Variants in COL5A2 observed in about 807,000 individuals in gnomAD.
COL5A2 encodes collagen type V alpha 2 chain.
A neutral mutation model predicts 208.2 loss-of-function variants in COL5A2; 23 were observed. The ratio of observed to expected loss-of-function variants is 0.11; its 90% CI spans 0.08 to 0.16. The LOEUF is 0.16. COL5A2 is among the 10% of genes least tolerant of loss of function. The probability of loss-of-function intolerance (pLI) is 1.00; values close to 1 mark genes in which losing one functional copy is unlikely to be tolerated. For synonymous variants in COL5A2, 625 were observed against 628.5 expected (o/e 0.99, Z 0.08); for missense variants, 1,590 against 1,956.4 (o/e 0.81, Z 3.53).
At chr2:189,183,932 C>A (rs559820830), upstream of COL5A2, among the ~76,000 whole-genome samples, 40 of 152,206 alleles carry the variant, frequency 2.6e-4, no homozygotes, top group African/African-American at 9.4e-4. Flanking sequence ...CCTGAAATAA[C>A]CACTTCCCTG....
chr2:189,170,569 C>T, intron 1 of COL5A2, among the ~76,000 whole-genome samples: 1 of 152,072 alleles, frequency 6.6e-6, no homozygotes, highest in Non-Finnish European at 1.5e-5. Context: ...ACCTAAATCG[C>T]AAAAGTTAGA....
chr2:189,333,780 T>C, the COL5A2 span, among the ~76,000 whole-genome samples: 1 of 151,978 alleles, frequency 6.6e-6, no homozygotes, highest in South Asian at 2.1e-4. Flanking sequence ...CAAAAGAAAC[T>C]AATCATGCTG....
intron 1 of COL5A2, among the ~76,000 whole-genome samples, chr2:189,196,935 T>A (rs2105852052): frequency 6.6e-6 from 1 of 152,150 alleles, no homozygotes; most frequent in South Asian, 2.1e-4. Context: ...GACCCAGCAA[T>A]CCCGTTACTG....
intron 1 of COL5A2, among the ~76,000 whole-genome samples, chr2:189,138,548 CA>C (rs1453566141): frequency 6.6e-6 from 1 of 152,084 alleles, no homozygotes; most frequent in Non-Finnish European, 1.5e-5. Flanking sequence ...ACAGAAGCAA[CA>C]ACTCCCAAGT....
upstream of COL5A2, among the ~76,000 whole-genome samples, chr2:189,228,734 T>G (rs1006068102): frequency 6.6e-6 from 1 of 151,796 alleles, no homozygotes; most frequent in Non-Finnish European, 1.5e-5. Context: ...CTACCAAACA[T>G]TTAAATAATT....
rs750224423 is a variant in COL5A2 at position 189,048,194 on chromosome 2, T to G, written c.3201+15A>C. On this transcript the variant is annotated intron_variant, in intron 45 of 53. Coordinates refer to ENST00000374866, the MANE Select transcript of COL5A2 (RefSeq NM_000393.5). ...GCATGACTTTAGATTTTATAATAAG[T>G]GAAATGGCTCTTACACGTTCTCCAA... The G allele has an allele frequency of 5.6e-6, 9 of 1,611,630 alleles. No homozygotes were observed. The African/African-American group carries it at 1.2e-4, about 22-fold the overall frequency.
the COL5A2 span, among the ~76,000 whole-genome samples, chr2:189,260,296 C>A: frequency 6.6e-6 from 1 of 152,148 alleles, no homozygotes; most frequent in East Asian, 1.9e-4. Flanking sequence ...GAGATAATGT[C>A]TTTTTAAGAT....
In COL5A2 at chr2:189,121,938, T is replaced by C. The variant is rs868834155; in HGVS notation, c.98-11489A>G. 2.0e-5 allele frequency among the ~76,000 whole-genome samples: 3 copies of C among 152,100 alleles called. No homozygotes were observed. The South Asian group carries it at 6.2e-4, about 32-fold the overall frequency. ...AGATATTAAATACCCATACTAAAAG[T>C]TTATTTTACTTATACTTAGCACATC... is the stretch of plus-strand genomic sequence containing the variant. On this transcript the variant is annotated intron_variant, in intron 1 of 53. Transcript: ENST00000374866.
intron 1 of COL5A2, among the ~76,000 whole-genome samples, chr2:189,207,284 C>CT (rs1028669328): frequency 4.0e-5 from 6 of 151,734 alleles, no homozygotes; most frequent in African/African-American, 9.7e-5. Context: ...TCCTCTAATC[C>CT]TTTTTTTTAA....
the COL5A2 span, among the ~76,000 whole-genome samples, chr2:189,343,425 T>C: frequency 2.7e-3 from 418 of 152,194 alleles, no homozygotes; most frequent in Non-Finnish European, 4.2e-3. Flanking sequence ...TTTGAGAACA[T>C]TCTACAGTTT....
intron 13 of COL5A2, 36 bp from the exon 14 acceptor site, chr2:189,080,067 GT>G: frequency 2.6e-6 from 4 of 1,559,022 alleles, no homozygotes; most frequent in South Asian, 1.1e-5. Flanking sequence ...TTTGTATCCT[GT>G]TTTTTTCAAT....
chr2:189,124,197 A>G (rs1184396782), intron 1 of COL5A2, among the ~76,000 whole-genome samples: 1 of 152,148 alleles, frequency 6.6e-6, no homozygotes, highest in African/African-American at 2.4e-5. Flanking sequence ...TGCGAACCCC[A>G]TTCTTTCTAT....
the COL5A2 span, among the ~76,000 whole-genome samples, chr2:189,400,498 A>T: frequency 1.3e-5 from 2 of 152,062 alleles, no homozygotes; most frequent in Non-Finnish European, 2.9e-5. Context: ...TTTACAGGAT[A>T]TTTTTTTGCA....
At chr2:189,365,324 G>A in the COL5A2 span, among the ~76,000 whole-genome samples, 1 of 152,134 alleles carries the variant, frequency 6.6e-6, no homozygotes, top group Non-Finnish European at 1.5e-5. Flanking sequence ...TTTGCATGTT[G>A]AAATTTTCTC....
intron 1 of COL5A2, among the ~76,000 whole-genome samples, chr2:189,156,533 C>T (rs1391694581): frequency 6.6e-6 from 1 of 152,094 alleles, no homozygotes; most frequent in Non-Finnish European, 1.5e-5. Flanking sequence ...TGTTGATAGT[C>T]TTGTCCTCAT....
In COL5A2 at chr2:189,053,885, T is replaced by C. The variant is rs886055356; in HGVS notation, c.2499+10A>G. The C allele has an allele frequency of 6.2e-7, 1 of 1,611,738 alleles. No homozygotes were observed. On this transcript the variant is annotated intron_variant, in intron 37 of 53. Transcript: ENST00000374866. ...CTCACACTAAAGAACACCAAAATAC[T>C]GTCACTTACAGGATTGCCCCGGGAG...
chr2:189,096,716 T>C (rs920176065), intron 6 of COL5A2, among the ~76,000 whole-genome samples: 3 of 152,090 alleles, frequency 2.0e-5, no homozygotes, highest in African/African-American at 7.2e-5. Context: ...AAACCTTTGG[T>C]ATATATTATA....
At chr2:189,399,529 C>T in the COL5A2 span, among the ~76,000 whole-genome samples, 2 of 152,060 alleles carry the variant, frequency 1.3e-5, no homozygotes, top group Non-Finnish European at 2.9e-5. Context: ...GAATTACAGG[C>T]GTGAGCCACT....
chr2:189,393,935 A>G, the COL5A2 span, among the ~76,000 whole-genome samples: 1 of 152,172 alleles, frequency 6.6e-6, no homozygotes, highest in Non-Finnish European at 1.5e-5. Flanking sequence ...CGTTCTGTCC[A>G]CTTAACTTTC....
Sources: gnomAD v4.1 joint callset for allele counts (sites outside exome capture counted in the v4.1 genomes callset) on GRCh38, gnomAD v4.1.1 for gene constraint, MANE v1.5 for transcripts, NCBI Gene and HGNC (gene_info 2026-07-23, HGNC 2026-07-21) for gene names.